Variants in RYR3 observed in about 807,000 individuals in gnomAD.
The protein encoded by RYR3 is brain ryanodine receptor-calcium release channel.
RYR3 carries 207 observed loss-of-function variants against 584.3 expected under a neutral mutation model. That is an observed-to-expected ratio of 0.35 (90% CI 0.32 to 0.40). The LOEUF (loss-of-function observed/expected upper bound fraction) is 0.40, where lower values mean the gene tolerates loss of function less well. RYR3 is among the 10% of genes least tolerant of loss of function. The pLI is 1.00. For synonymous variants in RYR3, 2,416 were observed against 2,248.5 expected, an observed-to-expected ratio of 1.07 and a Z score of -2.11; for missense variants, 5,616 against 6,089.2, an observed-to-expected ratio of 0.92 and a Z score of 2.59.
At chr15:33,699,350 T>G (rs1596221934) in intron 40 of RYR3, among the ~76,000 whole-genome samples, 1 of 144,084 alleles carries the variant, frequency 6.9e-6, no homozygotes, top group Admixed American at 7.0e-5. Context: ...TCTCTGTCTC[T>G]CCTCTCTCTC....
chr15:33,461,428 T>A (rs1220306239), intron 1 of RYR3, among the ~76,000 whole-genome samples: 1 of 152,196 alleles, frequency 6.6e-6, no homozygotes, highest in Non-Finnish European at 1.5e-5. Context: ...TTGATTCTTT[T>A]AGTAGATACT....
chr15:33,383,197 A>C (rs1238368799), intron 1 of RYR3, among the ~76,000 whole-genome samples: 3 of 150,878 alleles, frequency 2.0e-5, no homozygotes, highest in Non-Finnish European at 4.4e-5. Context: ...AGGATGGAAA[A>C]GTGAATGATG....
At chr15:33,477,346 G>T (rs1400454833) in intron 2 of RYR3, among the ~76,000 whole-genome samples, 2 of 152,112 alleles carry the variant, frequency 1.3e-5, no homozygotes, top group African/African-American at 2.4e-5. Context: ...GCAAAGGAGT[G>T]AGAGGATAGA....
At chr15:33,728,749 T>G in intron 46 of RYR3, 108 bp from the exon 47 acceptor site, 1 of 1,022,078 alleles carries the variant, frequency 9.8e-7, no homozygotes, top group Non-Finnish European at 1.3e-6. Flanking sequence ...TTTCCAAAAA[T>G]TCTTGTCCCT....
At chr15:33,434,840 C>G (rs1330974658) in intron 1 of RYR3, among the ~76,000 whole-genome samples, 1 of 152,084 alleles carries the variant, frequency 6.6e-6, no homozygotes, top group Non-Finnish European at 1.5e-5. Flanking sequence ...TGTTTTGAGA[C>G]AGAGTCTCGC....
Position 33,844,734 on chromosome 15 carries a change from C to T in RYR3, c.13297-128C>T, listed in dbSNP as rs2078602642. The stretch of plus-strand genomic sequence containing the variant: ...TAATAAGTCACCTAAAAACCTCATT[C>T]ATTCAGCAAGTAATGTTGAGTCACT... On this transcript the variant is annotated intron_variant, in intron 92 of 103. Transcript: ENST00000634891. The T allele has an allele frequency of 7.6e-6, 6 of 787,662 alleles. No individual in the cohort carries two copies. The Admixed American group carries it at 1.8e-4, about 23-fold the overall frequency. The allele number at this position is 787,662 out of a possible 1,614,324, so 48.8% of individuals were successfully genotyped here. A position where few individuals can be genotyped will look rare whatever the true frequency, so the allele number is the denominator to read the frequency against.
At chr15:33,785,455 C>T (rs567864805) in intron 65 of RYR3, among the ~76,000 whole-genome samples, 2 of 152,122 alleles carry the variant, frequency 1.3e-5, no homozygotes, top group Admixed American at 6.5e-5. Flanking sequence ...CACCTCAACA[C>T]GACATCTAGG....
intron 42 of RYR3, 50 bp downstream of exon 42, chr15:33,701,130 CA>C (rs1470674397): frequency 8.1e-7 from 1 of 1,241,910 alleles, no homozygotes; most frequent in Non-Finnish European, 1.2e-6. Flanking sequence ...GCCTGTAGTG[CA>C]GCTAAGCTAA....
At chr15:33,772,612 G>A (rs1482148696) in intron 63 of RYR3, among the ~76,000 whole-genome samples, 1 of 152,176 alleles carries the variant, frequency 6.6e-6, no homozygotes, top group African/African-American at 2.4e-5. Flanking sequence ...ACCAAAGTTG[G>A]TTGGTTTTAT....
chr15:33,738,338 T>G (rs1331371570), intron 49 of RYR3, 112 bp from the exon 50 acceptor site: 1 of 1,078,974 alleles, frequency 9.3e-7, no homozygotes, highest in African/African-American at 1.6e-5. Context: ...CTGTTTCGCA[T>G]GTTTCATTCT....
intron 1 of RYR3, among the ~76,000 whole-genome samples, chr15:33,462,447 T>C (rs927273657): frequency 1.3e-5 from 2 of 152,130 alleles, no homozygotes; most frequent in Non-Finnish European, 2.9e-5. Flanking sequence ...AATTAGTTAT[T>C]TCCCAAAAAC....
chr15:33,776,428 A>G (rs770937911), intron 64 of RYR3, among the ~76,000 whole-genome samples: 2 of 152,244 alleles, frequency 1.3e-5, no homozygotes, highest in Non-Finnish European at 2.9e-5. Flanking sequence ...GGGTTATTCA[A>G]GAAAGCAAAG....
Position 33,818,640 on chromosome 15 carries a change from T to G in RYR3, c.10662T>G (p.His3554Gln). Residue 3554 changes from histidine (H) to glutamine (Q), a missense_variant, in exon 76 of 104, where the codon CAT becomes CAG. Coordinates refer to ENST00000634891, the MANE Select transcript of RYR3 (RefSeq NM_001036.6). ...EETEKQPDPL[H>Q]QIILYFSRNA... ...CAGAAAAACAACCTGACCCACTACATCAGATCATTCTCTATTTTAGCCGCA... is the reference window on the plus strand; with the variant it reads ...CAGAAAAACAACCTGACCCACTACAGCAGATCATTCTCTATTTTAGCCGCA... 6.2e-7 allele frequency: 1 copy of G among 1,613,884 alleles called. No individual in the cohort carries two copies. Among genetic ancestry groups the G allele is most frequent in the Non-Finnish European group, 8.5e-7 (1 of 1,179,854 alleles).
intron 1 of RYR3, among the ~76,000 whole-genome samples, chr15:33,357,117 G>C (rs1271865885): frequency 1.3e-5 from 2 of 152,082 alleles, no homozygotes; most frequent in Non-Finnish European, 2.9e-5. Context: ...CCTGGTCCTG[G>C]ACATATGTGG....
In RYR3 at chr15:33,390,574, C is replaced by A. The variant is rs958872903; in HGVS notation, c.51+79478C>A. On this transcript the variant is annotated intron_variant, in intron 1 of 103. Coordinates refer to ENST00000634891, the MANE Select transcript of RYR3 (RefSeq NM_001036.6). This position sits in a 1 kb window ranked among gnomAD's most constrained non-coding sequence, Gnocchi z 4.2. ...GGTGTGGAGAGAAGAGTTAACAAAG[C>A]AGGCATGAGGAGGCTATGTTTAGAA... Among the ~76,000 whole-genome samples, 2 of 152,136 alleles carry A rather than the reference C, an allele frequency of 1.3e-5. No homozygotes were observed. The highest frequency in any genetic ancestry group is 4.8e-5 in the African/African-American group (2 of 41,420).
At chr15:33,496,768 A>G (rs2051464893) in intron 2 of RYR3, among the ~76,000 whole-genome samples, 1 of 152,140 alleles carries the variant, frequency 6.6e-6, no homozygotes, top group South Asian at 2.1e-4. Flanking sequence ...CCTCAGGCCA[A>G]GCTCTTGCCT....
chr15:33,857,728 C>T (rs1010336363), intron 98 of RYR3, 52 bp from the exon 99 acceptor site: 42 of 1,607,302 alleles, frequency 2.6e-5, no homozygotes, highest in East Asian at 2.5e-4. Context: ...GTGAACCTTT[C>T]AAGGTAGAGA....
At chr15:33,857,260 C>T (rs144134586) in intron 98 of RYR3, among the ~76,000 whole-genome samples, 149,248 of 152,012 alleles carry the variant, frequency 0.98, 73,328 homozygotes, top group Middle Eastern at 1. Context: ...GCACCAGCAC[C>T]TGGTCTCCTC....
At chr15:33,409,292 ATAAAT>A (rs2043231265) in intron 1 of RYR3, among the ~76,000 whole-genome samples, 2 of 152,108 alleles carry the variant, frequency 1.3e-5, no homozygotes, top group Non-Finnish European at 2.9e-5. Flanking sequence ...TAATAAATAA[ATAAAT>A]AAGTAAAAAA....
Sources: gnomAD v4.1 joint callset for allele counts (sites outside exome capture counted in the v4.1 genomes callset) on GRCh38, gnomAD v4.1.1 for gene constraint, Gnocchi (gnomAD v3.1) non-coding constraint, MANE v1.5 for transcripts, NCBI Gene and HGNC (gene_info 2026-07-23, HGNC 2026-07-21) for gene names.